CDH9: variants seen among roughly 807,000 people sequenced by gnomAD.
The protein encoded by CDH9 is cadherin 9.
A neutral mutation model predicts 70.9 loss-of-function variants in CDH9; 28 were observed. The observed-to-expected ratio is 0.40, with a 90% CI of 0.29 to 0.54. CDH9 has a LOEUF of 0.54. CDH9 is among the 20% of genes least tolerant of loss of function. The probability of loss-of-function intolerance (pLI) is 0.59; values close to 1 mark genes in which losing one functional copy is unlikely to be tolerated. For missense variants in CDH9, 874 were observed against 984.4 expected (o/e 0.89, Z 1.50); for synonymous variants, 409 against 343.1 (o/e 1.19, Z -2.12).
intron 3 of CDH9, 118 bp from the exon 4 acceptor site, chr5:26,906,956 G>T (rs1740959900): frequency 1.5e-6 from 2 of 1,302,022 alleles, no homozygotes; most frequent in Non-Finnish European, 9.8e-7. Context: ...TATGTTTGAA[G>T]AAATTTATTT....
chr5:26,936,025 A>T (rs902742824), intron 2 of CDH9, among the ~76,000 whole-genome samples: 1 of 152,122 alleles, frequency 6.6e-6, no homozygotes, highest in African/African-American at 2.4e-5. Flanking sequence ...ATACATTTTC[A>T]TTCATAAGTA....
At chr5:26,989,510 C>CTCTG (rs1742545496) in intron 1 of CDH9, among the ~76,000 whole-genome samples, 1 of 144,588 alleles carries the variant, frequency 6.9e-6, no homozygotes, top group African/African-American at 2.5e-5. Context: ...TCTTCTCTGT[C>CTCTG]TCTCTCTCTC....
At chr5:27,007,945 TAAAC>T (rs1158475697) in intron 1 of CDH9, among the ~76,000 whole-genome samples, 2 of 152,078 alleles carry the variant, frequency 1.3e-5, no homozygotes, top group South Asian at 2.1e-4. Context: ...GGCTCCATGT[TAAAC>T]AGACTTAGAA....
At chr5:26,982,604 C>T (rs896444360) in intron 2 of CDH9, among the ~76,000 whole-genome samples, 1 of 152,014 alleles carries the variant, frequency 6.6e-6, no homozygotes, top group African/African-American at 2.4e-5. Flanking sequence ...AGTGAAAGCC[C>T]AAATGTCACA....
intron 7 of CDH9, among the ~76,000 whole-genome samples, chr5:26,899,741 G>C (rs570226587): frequency 6.6e-6 from 1 of 151,814 alleles, no homozygotes; most frequent in Non-Finnish European, 1.5e-5. Flanking sequence ...CTAGGGGAGG[G>C]ATAGCATTAG....
chr5:26,894,417 C>T (rs1457243608), intron 7 of CDH9, among the ~76,000 whole-genome samples: 1 of 152,006 alleles, frequency 6.6e-6, no homozygotes, highest in African/African-American at 2.4e-5. Flanking sequence ...GGGTTTCTGG[C>T]CACCTTACTC....
intron 2 of CDH9, among the ~76,000 whole-genome samples, chr5:26,948,246 A>T (rs1027217668): frequency 2.6e-5 from 4 of 152,244 alleles, no homozygotes; most frequent in African/African-American, 9.6e-5. Flanking sequence ...AGGAAATGAA[A>T]TGCTAAGGCA....
At chr5:26,911,765 T>C (rs1410480190) in intron 3 of CDH9, among the ~76,000 whole-genome samples, 2 of 152,206 alleles carry the variant, frequency 1.3e-5, no homozygotes, top group East Asian at 3.8e-4. Context: ...TTGTATATCT[T>C]CCAGATTATA....
At chr5:26,973,159 G>C (rs1162489314) in intron 2 of CDH9, among the ~76,000 whole-genome samples, 1 of 152,152 alleles carries the variant, frequency 6.6e-6, no homozygotes, top group African/African-American at 2.4e-5. Flanking sequence ...ACCACGCCTA[G>C]TCTTAAACTT....
At position 26,881,302 on chromosome 5, in the gene CDH9, A is replaced by G. The variant is rs1483367399; in HGVS notation, c.2204T>C (p.Leu735Pro). The G allele has an allele frequency of 6.2e-7, 1 of 1,613,228 alleles. No individual in the cohort carries two copies. The highest frequency in any genetic ancestry group is 8.5e-7 in the Non-Finnish European group (1 of 1,179,292). ...ATTCCCTTCATAGGCATACGTTGCCAGCGAATCATATGGAGGTGCACTTGG... is the reference window on the plus strand; with the variant it reads ...ATTCCCTTCATAGGCATACGTTGCCGGCGAATCATATGGAGGTGCACTTGG... ...ADPSAPPYDS[L>P]ATYAYEGNDS... Residue 735 changes from leucine to proline, a missense_variant, in exon 12 of 12, where the codon CTG becomes CCG. Leu to Pro is a moderately conservative substitution (Grantham distance 98). Transcript: ENST00000231021.
chr5:26,897,663 G>A (rs569834161), intron 7 of CDH9, among the ~76,000 whole-genome samples: 11 of 152,044 alleles, frequency 7.2e-5, no homozygotes, highest in South Asian at 2.1e-4. Flanking sequence ...TGGAGGGAAC[G>A]TATCTCAAAA....
At chr5:27,034,158 A>G (rs958832953) in intron 1 of CDH9, among the ~76,000 whole-genome samples, 8 of 151,880 alleles carry the variant, frequency 5.3e-5, no homozygotes, top group South Asian at 2.1e-4. Flanking sequence ...ATTAATGAAC[A>G]TGTTAAATCT....
At chr5:26,948,423 A>G (rs1741790249) in intron 2 of CDH9, among the ~76,000 whole-genome samples, 1 of 152,234 alleles carries the variant, frequency 6.6e-6, no homozygotes, top group African/African-American at 2.4e-5. Flanking sequence ...TTTCTTGAAA[A>G]TATCTGTGGT....
chr5:27,006,303 C>T (rs1742864727), intron 1 of CDH9, among the ~76,000 whole-genome samples: 1 of 152,020 alleles, frequency 6.6e-6, no homozygotes, highest in African/African-American at 2.4e-5. Flanking sequence ...GATTCATTTT[C>T]AGGTCTTCTT....
chr5:26,973,503 G>A (rs768854536), intron 2 of CDH9, among the ~76,000 whole-genome samples: 1 of 151,752 alleles, frequency 6.6e-6, no homozygotes, highest in Non-Finnish European at 1.5e-5. Flanking sequence ...ATTAATAACT[G>A]ATGTTGTTAC....
At chr5:27,033,840 T>C (rs1743348671) in intron 1 of CDH9, among the ~76,000 whole-genome samples, 1 of 151,588 alleles carries the variant, frequency 6.6e-6, no homozygotes, top group Non-Finnish European at 1.5e-5. Flanking sequence ...CTTTTAAGAC[T>C]GAATTCCCAG....
At chr5:26,912,829 T>G (rs1329797865) in intron 3 of CDH9, among the ~76,000 whole-genome samples, 1 of 152,142 alleles carries the variant, frequency 6.6e-6, no homozygotes, top group Non-Finnish European at 1.5e-5. Context: ...ACAATTCCCA[T>G]GTGTCACGGG....
At chr5:26,965,820 A>G (rs1040291493) in intron 2 of CDH9, among the ~76,000 whole-genome samples, 34 of 152,188 alleles carry the variant, frequency 2.2e-4, no homozygotes, top group African/African-American at 7.9e-4. Context: ...ACAGATTCAC[A>G]AGCATTGCAA....
intron 7 of CDH9, among the ~76,000 whole-genome samples, chr5:26,898,976 A>C (rs1168200443): frequency 6.6e-6 from 1 of 152,198 alleles, no homozygotes. Flanking sequence ...AATTTACAAG[A>C]AAAAATGAAC....
Sources: gnomAD v4.1 joint callset for allele counts (sites outside exome capture counted in the v4.1 genomes callset) on GRCh38, gnomAD v4.1.1 for gene constraint, MANE v1.5 for transcripts, NCBI Gene and HGNC (gene_info 2026-07-23, HGNC 2026-07-21) for gene names.